Variants in FBXO7 observed in about 807,000 individuals in gnomAD.
The protein encoded by FBXO7 is F-box only protein 7.
A neutral mutation model predicts 50.2 loss-of-function variants in FBXO7; 31 were observed. The ratio of observed to expected loss-of-function variants is 0.62; its 90% CI spans 0.46 to 0.83. FBXO7 has a LOEUF of 0.83. Among genes scored for constraint, FBXO7 ranks in the 40% least tolerant of loss-of-function variants. FBXO7 has a pLI of 0.00. For synonymous variants in FBXO7, 256 were observed against 253.1 expected (o/e 1.01, Z -0.11); for missense variants, 667 against 646.6 (o/e 1.03, Z -0.34).
At chr22:32,488,164 G>T in intron 5 of FBXO7, 2 of 221,198 alleles carry the variant, frequency 9.0e-6, no homozygotes, top group South Asian at 6.8e-5. Context: ...TCTCCATATT[G>T]GTATTTAACC....
At chr22:32,494,278 C>T (rs1351855910) in intron 7 of FBXO7, among the ~76,000 whole-genome samples, 1 of 152,014 alleles carries the variant, frequency 6.6e-6, no homozygotes, top group Non-Finnish European at 1.5e-5. Context: ...CTGAATTTGA[C>T]ATTTAAAATG....
At chr22:32,493,069 C>G (rs375622637) in intron 6 of FBXO7, 36 bp from the exon 7 acceptor site, 3 of 1,602,182 alleles carry the variant, frequency 1.9e-6, no homozygotes, top group South Asian at 1.1e-5. Context: ...GTTCTTTACT[C>G]AGTAATACCT....
At position 32,485,156 on chromosome 22, in the gene FBXO7, G is replaced by C; in HGVS notation, c.734G>C (p.Gly245Ala). The C allele has an allele frequency of 6.2e-7, 1 of 1,614,184 alleles. No homozygotes were observed. Among genetic ancestry groups the C allele is most frequent in the Non-Finnish European group, 8.5e-7 (1 of 1,180,028 alleles). Residue 245 changes from glycine (G) to alanine (A), a missense_variant, in exon 4 of 9, where the codon GGC (glycine) becomes GCC (alanine). By Grantham distance (60) the Gly-to-Ala change is moderately conservative (BLOSUM62 0). Coordinates refer to ENST00000266087, the MANE Select transcript of FBXO7 (RefSeq NM_012179.4). ...CAGTACATGCATCCTCTCTGCGAGGGCAGCTCCGCTACTCTCACCTGTGTG... is the reference window on the plus strand; with the variant it reads ...CAGTACATGCATCCTCTCTGCGAGGCCAGCTCCGCTACTCTCACCTGTGTG... ...KLQYMHPLCEGSSATLTCVPL... is the reference protein window; with the variant it reads ...KLQYMHPLCEASSATLTCVPL...
Position 32,479,164 on chromosome 22 carries a change from G to A in FBXO7, c.306G>A (p.Glu102=), listed in dbSNP as rs905363046. Residue 102 remains glutamate, a synonymous_variant, in exon 2 of 9, where the codon GAG becomes GAA. Transcript: ENST00000266087. The part of the protein sequence containing the change: ...DSEHSSLQNN[E]QPSLATSSNQ... ...AGCATTCTTCACTCCAGAATAATGA[G>A]CAACCCTCTTTGGCCACCAGCTCCA... 6.2e-7 allele frequency: 1 copy of A among 1,614,096 alleles called. No homozygotes were observed. Among genetic ancestry groups the A allele is most frequent in the Non-Finnish European group, 8.5e-7 (1 of 1,180,026 alleles).
At chr22:32,475,541 A>G in intron 1 of FBXO7, 1 of 1,007,652 alleles carries the variant, frequency 9.9e-7, no homozygotes, top group Non-Finnish European at 1.4e-6. Flanking sequence ...GGTCCGAGTT[A>G]ATTTCTTCAG....
intron 6 of FBXO7, chr22:32,491,590 C>CAT (rs1168707819): frequency 1.2e-5 from 1 of 83,354 alleles, no homozygotes; most frequent in South Asian, 3.1e-4. Flanking sequence ...TCTATATAGA[C>CAT]ATATATTTAG....
chr22:32,482,344 G>A (rs866314191), intron 2 of FBXO7, among the ~76,000 whole-genome samples: 5 of 152,208 alleles, frequency 3.3e-5, no homozygotes, highest in Middle Eastern at 3.4e-3. Context: ...TGTCACCTCC[G>A]GCTCCCCTCC....
intron 7 of FBXO7, among the ~76,000 whole-genome samples, chr22:32,493,789 T>TC: frequency 6.6e-6 from 1 of 152,166 alleles, no homozygotes; most frequent in Middle Eastern, 3.2e-3. Context: ...AACTTTTTTT[T>TC]CTGCTACCAC....
rs1568978052 is a variant in FBXO7, at chr22:32,491,603, ATATATGTC to A, written c.967+428_967+435del. The A allele has an allele frequency of 4.2e-4, 9 of 21,624 alleles. 1 individual carries two copies. The highest frequency in any genetic ancestry group is 2.0e-3 in the African/African-American group (8 of 4,096). 1.3% of individuals were successfully genotyped at this position (21,624 alleles called of 1,614,324 possible). ...TGTCTATATAGACATATATTTAGAT[ATATATGTC>A]TATATAGACATATATAAATAATACA... is the stretch of plus-strand genomic sequence containing the variant. On this transcript the variant is annotated intron_variant, in intron 6 of 8. Coordinates refer to ENST00000266087, the MANE Select transcript of FBXO7 (RefSeq NM_012179.4).
chr22:32,498,284 A>C lies in FBXO7; in HGVS notation c.1323A>C (p.Pro441=). 1.2e-6 allele frequency: 2 copies of C among 1,614,164 alleles called. No individual in the cohort carries two copies. The highest frequency in any genetic ancestry group is 2.7e-5 in the African/African-American group (2 of 75,028). The change falls in exon 9 of 9, where the codon CCA becomes CCC. Residue 441 remains proline, a synonymous_variant. Coordinates refer to ENST00000266087, the MANE Select transcript of FBXO7 (RefSeq NM_012179.4). ...PRPFPSSRLP[P]GIIGGEYDQR... ...CATTTCCTAGCTCCCGCCTTCCTCCAGGAATTATCGGGGGTGAATATGACC... is the reference window on the plus strand; with the variant it reads ...CATTTCCTAGCTCCCGCCTTCCTCCCGGAATTATCGGGGGTGAATATGACC...
intron 2 of FBXO7, among the ~76,000 whole-genome samples, chr22:32,482,959 CTT>C (rs1284424198): frequency 1.3e-5 from 2 of 152,314 alleles, no homozygotes; most frequent in Admixed American, 6.5e-5. Context: ...TGTGTTACCT[CTT>C]TTGAAGAAGT....
rs14698 is a variant in FBXO7 at position 32,498,646 on chromosome 22, C to T, written c.*116C>T. 1.6e-6 allele frequency: 2 copies of T among 1,257,856 alleles called. No individual in the cohort carries two copies. Among genetic ancestry groups the T allele is most frequent in the Non-Finnish European group, 2.2e-6 (2 of 895,382 alleles). The allele number at this position is 1,257,856 out of a possible 1,614,324, so 77.9% of individuals were successfully genotyped here. On this transcript the variant is annotated 3_prime_UTR_variant, in exon 9 of 9. Coordinates refer to ENST00000266087, the MANE Select transcript of FBXO7 (RefSeq NM_012179.4). ...TTTCTGATTGTGGTGTTGAGAGTTG[C>T]ACTCCCAGAAACCTTTTAAGAGATA...
chr22:32,474,835 A>C lies in FBXO7; in HGVS notation c.-168A>C. 1.5e-6 allele frequency: 1 copy of C among 649,038 alleles called. No homozygotes were observed. The highest frequency in any genetic ancestry group is 2.5e-6 in the Non-Finnish European group (1 of 396,370). The allele number at this position is 649,038 out of a possible 1,614,324, so 40.2% of individuals were successfully genotyped here. On this transcript the variant is annotated 5_prime_UTR_variant, in exon 1 of 9. Coordinates refer to ENST00000266087, the MANE Select transcript of FBXO7 (RefSeq NM_012179.4). ...CGCTCTATTCCAGAGACCGAGTGGC[A>C]GGGCGGCCACTGTGGCGGGGCTCTT... is the stretch of plus-strand genomic sequence containing the variant.
At chr22:32,484,151 A>G in intron 3 of FBXO7, 27 bp downstream of exon 3, 2 of 1,573,462 alleles carry the variant, frequency 1.3e-6, no homozygotes, top group Non-Finnish European at 1.7e-6. Context: ...AAACACAGAC[A>G]TCTTATGATT....
At chr22:32,487,487 C>T in intron 4 of FBXO7, 1 of 360,560 alleles carries the variant, frequency 2.8e-6, no homozygotes, top group Non-Finnish European at 5.1e-6. Context: ...TACTAATAAG[C>T]TGCTGCCTAG....
intron 4 of FBXO7, 192 bp from the exon 5 acceptor site, chr22:32,487,553 T>A: frequency 1.8e-6 from 1 of 553,308 alleles, no homozygotes; most frequent in South Asian, 2.2e-5. Flanking sequence ...TGTAGAGTGA[T>A]TTTACTTCAT....
In FBXO7 at chr22:32,475,092, G is replaced by A. The variant is rs1439686977; in HGVS notation, c.90G>A (p.Leu30=). The change falls in exon 1 of 9, where the codon CTG becomes CTA. Residue 30 remains leucine (L), a synonymous_variant. Coordinates refer to ENST00000266087, the MANE Select transcript of FBXO7 (RefSeq NM_012179.4). ...CGCTGGGGCATTTGCGCTCGCACCT[G>A]AGGCAGTCCCTGCTGTGCACCTGGG... ...EPTLGHLRSH[L]RQSLLCTWGY... 1 of 1,546,510 alleles carries A rather than the reference G, an allele frequency of 6.5e-7. No homozygotes were observed. The highest frequency in any genetic ancestry group is 8.7e-7 in the Non-Finnish European group (1 of 1,146,054).
chr22:32,495,251 C>G (rs2057565167), intron 7 of FBXO7, among the ~76,000 whole-genome samples: 2 of 152,178 alleles, frequency 1.3e-5, no homozygotes. Flanking sequence ...TGAGGAATCA[C>G]ACTGCATTGA....
chr22:32,495,658 A>C (rs2057569473), intron 8 of FBXO7, 128 bp downstream of exon 8: 2 of 457,288 alleles, frequency 4.4e-6, no homozygotes, highest in Non-Finnish European at 3.8e-6. Flanking sequence ...GCTAAATTTC[A>C]GTAAATGAAA....
Sources: gnomAD v4.1 joint callset for allele counts (sites outside exome capture counted in the v4.1 genomes callset) on GRCh38, gnomAD v4.1.1 for gene constraint, MANE v1.5 for transcripts, NCBI Gene and HGNC (gene_info 2026-07-23, HGNC 2026-07-21) for gene names.